The following CCNH variants were observed in gnomAD, a reference collection of about 807,000 sequenced individuals.
CCNH encodes cyclin H.
Under a neutral mutation model 41.9 loss-of-function variants are expected in CCNH, and 31 were observed. The observed-to-expected ratio is 0.74, with a 90% confidence interval of 0.56 to 1.00. The LOEUF (loss-of-function observed/expected upper bound fraction) is 1.00, where lower values mean the gene tolerates loss of function less well. Among genes scored for constraint, CCNH ranks in the 50% least tolerant of loss-of-function variants. CCNH has a pLI of 0.00. For synonymous variants in CCNH, 138 were observed against 136.1 expected (o/e 1.01, Z -0.10); for missense variants, 362 against 388.4 (o/e 0.93, Z 0.57).
At chr5:87,387,525 A>AACTT (rs1337191867), downstream of CCNH, among the ~76,000 whole-genome samples, 1 of 152,166 alleles carries the variant, frequency 6.6e-6, no homozygotes, top group East Asian at 1.9e-4. Context: ...TTTTAAACTA[A>AACTT]ACTTATTAGT....
intron 9 of CCNH, among the ~76,000 whole-genome samples, chr5:87,329,857 C>T (rs1055161347): frequency 3.3e-5 from 5 of 152,044 alleles, no homozygotes; most frequent in African/African-American, 1.2e-4. Context: ...AAATTTTATT[C>T]TCTTATGTCG....
At position 87,377,062 on chromosome 5, in the gene CCNH, G is replaced by A. The variant is rs771597899; in HGVS notation, n.119C>T. On this transcript the variant is annotated non_coding_transcript_exon_variant, in exon 1 of 1. Transcript: ENST00000607486. ...GAAGGTATGGTATGGCCATGTTAGT[G>A]TGATACAAGAAACTGGGTTTAGATT... The A allele has an allele frequency of 2.5e-6, 4 of 1,604,772 alleles. No individual in the cohort carries two copies. The South Asian group carries it at 4.4e-5, about 18-fold the overall frequency.
intron 2 of CCNH, among the ~76,000 whole-genome samples, chr5:87,410,340 A>G (rs1764135773): frequency 6.6e-6 from 1 of 152,182 alleles, no homozygotes. Context: ...AGAACAAGCC[A>G]AATCTGAAGA....
chr5:87,401,514 T>G (rs1275484662), intron 6 of CCNH, among the ~76,000 whole-genome samples, 188 bp downstream of exon 6: 1 of 152,210 alleles, frequency 6.6e-6, no homozygotes. Flanking sequence ...AAATGAACAC[T>G]ACTTCCTTCT....
At chr5:87,390,998 G>GGA, downstream of CCNH, 1 of 1,049,716 alleles carries the variant, frequency 9.5e-7, no homozygotes, top group Non-Finnish European at 1.5e-6. Flanking sequence ...ACATTCCAGT[G>GGA]ATGTGTGAGC....
At position 87,412,900 on chromosome 5, in the gene CCNH, AGGGCGTCC is replaced by A; in HGVS notation, c.-114_-107del. 1 of 1,507,938 alleles carries A rather than the reference AGGGCGTCC, an allele frequency of 6.6e-7. No homozygotes were observed. Among genetic ancestry groups the A allele is most frequent in the South Asian group, 1.3e-5 (1 of 79,056 alleles). 93.4% of individuals were successfully genotyped at this position (1,507,938 alleles called of 1,614,324 possible). A position where few individuals can be genotyped will look rare whatever the true frequency, so the allele number is the denominator to read the frequency against. Reference sequence around the variant, plus strand: ...CCCACCGAAGATCTCGCGGAAGCCTAGGGCGTCCGGCTAGCCGGCGCTGGCGCGCTGTC... The same window carrying A: ...CCCACCGAAGATCTCGCGGAAGCCTAGGCTAGCCGGCGCTGGCGCGCTGTC... On this transcript the variant is annotated 5_prime_UTR_variant, in exon 1 of 9. Coordinates refer to ENST00000256897, the MANE Select transcript of CCNH (RefSeq NM_001239.4).
At chr5:87,311,536 A>G in the CCNH span, among the ~76,000 whole-genome samples, 1 of 152,326 alleles carries the variant, frequency 6.6e-6, no homozygotes, top group East Asian at 1.9e-4. Flanking sequence ...CAATTGAAAA[A>G]GGTGCATAGG....
At chr5:87,398,071 A>G (rs1331945386) in intron 7 of CCNH, among the ~76,000 whole-genome samples, 3 of 152,274 alleles carry the variant, frequency 2.0e-5, no homozygotes, top group Non-Finnish European at 4.4e-5. Context: ...ACTTTTATTC[A>G]TTAAAGTCAA....
chr5:87,403,825 A>G (rs1490389191), intron 5 of CCNH, among the ~76,000 whole-genome samples: 1 of 152,172 alleles, frequency 6.6e-6, no homozygotes, highest in Non-Finnish European at 1.5e-5. Flanking sequence ...GGAAGTCCAC[A>G]TCTTAACTCC....
At chr5:87,393,085 A>C (rs1762636653), downstream of CCNH, among the ~76,000 whole-genome samples, 1 of 151,998 alleles carries the variant, frequency 6.6e-6, no homozygotes, top group Non-Finnish European at 1.5e-5. Flanking sequence ...AAAAAAAAAA[A>C]ACCCACAAAA....
intron 8 of CCNH, chr5:87,394,761 GAAA>G: frequency 7.5e-7 from 1 of 1,341,954 alleles, no homozygotes; most frequent in South Asian, 2.2e-5. Flanking sequence ...GGGGGTAAGG[GAAA>G]AATCCTTGGA....
chr5:87,401,141 ACT>A (rs1349184470), intron 6 of CCNH, among the ~76,000 whole-genome samples: 1 of 152,088 alleles, frequency 6.6e-6, no homozygotes, highest in Non-Finnish European at 1.5e-5. Context: ...GAAGGGCCAT[ACT>A]CTCTCTGGAG....
exon 1 of CCNH, chr5:87,376,317 C>T: frequency 6.5e-7 from 1 of 1,535,796 alleles, no homozygotes. Context: ...GAAGACTGAA[C>T]ACCAGGAAAA....
downstream of CCNH, chr5:87,392,497 T>A (rs1401127413): frequency 5.3e-6 from 2 of 375,468 alleles, no homozygotes; most frequent in East Asian, 1.5e-4. Flanking sequence ...ACCCCTTCTG[T>A]TTTTTAGCTG....
chr5:87,382,515 T>C (rs1761790834), intron 9 of CCNH, among the ~76,000 whole-genome samples: 1 of 152,290 alleles, frequency 6.6e-6, no homozygotes, highest in East Asian at 1.9e-4. Flanking sequence ...GGAATAATGC[T>C]TGTCTTTACA....
intron 9 of CCNH, chr5:87,363,275 AAC>A (rs1467717150): frequency 6.8e-6 from 9 of 1,320,362 alleles, no homozygotes; most frequent in South Asian, 2.5e-5. Flanking sequence ...TATTTTTAGA[AAC>A]ACTAATTTTA....
intron 9 of CCNH, among the ~76,000 whole-genome samples, chr5:87,337,275 T>C (rs1758042875): frequency 6.6e-6 from 1 of 152,026 alleles, no homozygotes; most frequent in Non-Finnish European, 1.5e-5. Context: ...TAGGTTTCAG[T>C]AAAAGGAAAC....
upstream of CCNH, chr5:87,378,604 G>C (rs1447725100): frequency 6.9e-7 from 1 of 1,454,158 alleles, no homozygotes; most frequent in Non-Finnish European, 9.5e-7. Flanking sequence ...ATAATTTGTA[G>C]CCAATTACAT....
chr5:87,355,012 C>T (rs1460323200), intron 9 of CCNH, among the ~76,000 whole-genome samples: 1 of 152,050 alleles, frequency 6.6e-6, no homozygotes, highest in African/African-American at 2.4e-5. Context: ...TGGAAGCTAC[C>T]AGAGATTGAT....
Sources: gnomAD v4.1 joint callset for allele counts (sites outside exome capture counted in the v4.1 genomes callset) on GRCh38, gnomAD v4.1.1 for gene constraint, MANE v1.5 for transcripts, NCBI Gene and HGNC (gene_info 2026-07-23, HGNC 2026-07-21) for gene names.